The following SEMA3D variants were observed in gnomAD, a reference collection of about 807,000 sequenced individuals.
SEMA3D encodes the protein semaphorin 3D.
Under a neutral mutation model 100.1 loss-of-function variants are expected in SEMA3D, and 84 were observed. The observed-to-expected ratio is 0.84, with a 90% CI of 0.70 to 1.01. The LOEUF is 1.01. Ranked by LOEUF, SEMA3D falls within the 50% of genes least tolerant of loss-of-function variation. The probability of loss-of-function intolerance (pLI) is 0.00; values close to 1 mark genes in which losing one functional copy is unlikely to be tolerated. For missense variants in SEMA3D, 875 were observed against 934.1 expected (o/e 0.94, Z 0.82); for synonymous variants, 312 against 320.7 (o/e 0.97, Z 0.29).
At chr7:85,066,913 C>CACATACACACACAGAGAGAG in intron 7 of SEMA3D, among the ~76,000 whole-genome samples, 14 of 127,822 alleles carry the variant, frequency 1.1e-4, no homozygotes, top group African/African-American at 4.4e-4. Context: ...CACACACACA[C>CACATACACACACAGAGAGAG]AGAGAGAGAG....
chr7:85,185,016 CAT>C (rs1791502064), intron 1 of SEMA3D, among the ~76,000 whole-genome samples: 1 of 152,078 alleles, frequency 6.6e-6, no homozygotes, highest in South Asian at 2.1e-4. Context: ...GGAGTGATGA[CAT>C]GTGTGTCTTC....
At chr7:85,223,284 C>A in the SEMA3D span, among the ~76,000 whole-genome samples, 4 of 151,992 alleles carry the variant, frequency 2.6e-5, no homozygotes, top group African/African-American at 9.7e-5. Context: ...AATGTAATTG[C>A]AGTTTTGGCC....
chr7:85,206,279 T>C, the SEMA3D span, among the ~76,000 whole-genome samples: 3 of 152,134 alleles, frequency 2.0e-5, no homozygotes, highest in Non-Finnish European at 2.9e-5. Flanking sequence ...ATTACAAATA[T>C]TTTTCTTCTT....
intron 11 of SEMA3D, among the ~76,000 whole-genome samples, chr7:85,038,945 T>C (rs977427139): frequency 3.3e-5 from 5 of 152,288 alleles, no homozygotes; most frequent in African/African-American, 1.2e-4. Context: ...AAATGAGGAT[T>C]GTGCCACAGA....
At chr7:85,076,843 C>T (rs1323368539) in intron 5 of SEMA3D, among the ~76,000 whole-genome samples, 1 of 152,048 alleles carries the variant, frequency 6.6e-6, no homozygotes, top group Admixed American at 6.5e-5. Flanking sequence ...CGCCTGTAAT[C>T]CCAACACTTT....
chr7:84,999,228 C>A lies in SEMA3D; in HGVS notation c.*212G>T, dbSNP rs1468275439. ...CCCTATTTTTAGGATAATTCTTATACTTTGCTTGTGCAAGATTTGTTCTTG... is the reference window on the plus strand; with the variant it reads ...CCCTATTTTTAGGATAATTCTTATAATTTGCTTGTGCAAGATTTGTTCTTG... On this transcript the variant is annotated 3_prime_UTR_variant, in exon 19 of 19. Coordinates refer to ENST00000284136, the MANE Select transcript of SEMA3D (RefSeq NM_001384900.1). 1 of 560,308 alleles carries A rather than the reference C, an allele frequency of 1.8e-6. No individual in the cohort carries two copies. Among genetic ancestry groups the A allele is most frequent in the Admixed American group, 3.2e-5 (1 of 31,726 alleles). 34.7% of individuals were successfully genotyped at this position (560,308 alleles called of 1,614,324 possible).
At chr7:85,233,295 A>C in the SEMA3D span, among the ~76,000 whole-genome samples, 1 of 152,176 alleles carries the variant, frequency 6.6e-6, no homozygotes, top group South Asian at 2.1e-4. Flanking sequence ...AACAGAGTAC[A>C]CTGTTGAAAT....
intron 4 of SEMA3D, among the ~76,000 whole-genome samples, chr7:85,084,846 T>C (rs1256443392): frequency 6.6e-6 from 1 of 152,208 alleles, no homozygotes; most frequent in African/African-American, 2.4e-5. Context: ...CTCCTACTTA[T>C]AAGTGATGAG....
At chr7:85,046,715 GT>G (rs1481407173) in intron 9 of SEMA3D, among the ~76,000 whole-genome samples, 1 of 151,888 alleles carries the variant, frequency 6.6e-6, no homozygotes, top group Admixed American at 6.6e-5. Flanking sequence ...GGCTGACTTT[GT>G]TGACCAGTTT....
At chr7:85,138,919 T>G (rs1320639325) in intron 2 of SEMA3D, among the ~76,000 whole-genome samples, 1 of 151,900 alleles carries the variant, frequency 6.6e-6, no homozygotes, top group Non-Finnish European at 1.5e-5. Context: ...GATTTGGTTT[T>G]GGATATGCTC....
intron 18 of SEMA3D, among the ~76,000 whole-genome samples, chr7:85,004,019 A>T (rs1181700785): frequency 6.6e-6 from 1 of 152,126 alleles, no homozygotes; most frequent in African/African-American, 2.4e-5. Context: ...AAGCAGAGAA[A>T]GACTCAGATA....
At chr7:85,109,408 T>C (rs1441754489) in intron 3 of SEMA3D, among the ~76,000 whole-genome samples, 1 of 152,010 alleles carries the variant, frequency 6.6e-6, no homozygotes, top group Non-Finnish European at 1.5e-5. Flanking sequence ...TCTACTTATA[T>C]TTCCACTGAA....
intron 2 of SEMA3D, chr7:85,142,576 T>G (rs1015261205): frequency 2.0e-6 from 2 of 984,312 alleles, no homozygotes; most frequent in Non-Finnish European, 2.4e-6. Flanking sequence ...GAGCAGAACG[T>G]AGACAAGTTT....
chr7:85,124,518 C>CTTTATACT (rs1224717936), intron 2 of SEMA3D, among the ~76,000 whole-genome samples: 1 of 85,020 alleles, frequency 1.2e-5, no homozygotes, highest in Non-Finnish European at 2.5e-5. Context: ...TGATTATACA[C>CTTTATACT]AATAAAGTAC....
chr7:85,045,662 A>G (rs1790987470), intron 9 of SEMA3D, among the ~76,000 whole-genome samples: 1 of 151,926 alleles, frequency 6.6e-6, no homozygotes, highest in African/African-American at 2.4e-5. Flanking sequence ...CGTTAATAAG[A>G]ATAAGCAAAA....
intron 3 of SEMA3D, among the ~76,000 whole-genome samples, chr7:85,108,615 T>G (rs1243025638): frequency 2.0e-5 from 3 of 152,002 alleles, no homozygotes; most frequent in African/African-American, 7.2e-5. Flanking sequence ...ACACCTGGAG[T>G]AGAAAGGTTT....
chr7:85,113,066 C>T (rs753701402), intron 3 of SEMA3D, among the ~76,000 whole-genome samples: 25 of 152,136 alleles, frequency 1.6e-4, no homozygotes, highest in Admixed American at 5.2e-4. Context: ...ATCCCCAACA[C>T]ATTCAAAGTC....
At chr7:85,064,863 A>G (rs1194269953) in intron 8 of SEMA3D, among the ~76,000 whole-genome samples, 1 of 152,192 alleles carries the variant, frequency 6.6e-6, no homozygotes, top group Non-Finnish European at 1.5e-5. Context: ...TAAAATAGTA[A>G]TCAGACAAAA....
the SEMA3D span, among the ~76,000 whole-genome samples, chr7:85,237,834 T>G: frequency 6.6e-6 from 1 of 152,108 alleles, no homozygotes; most frequent in Admixed American, 6.5e-5. Flanking sequence ...TATATTTATT[T>G]TGTAAGAAAC....
Sources: gnomAD v4.1 joint callset for allele counts (sites outside exome capture counted in the v4.1 genomes callset) on GRCh38, gnomAD v4.1.1 for gene constraint, MANE v1.5 for transcripts, NCBI Gene and HGNC (gene_info 2026-07-23, HGNC 2026-07-21) for gene names.